ADCY1: variants seen among roughly 807,000 people sequenced by gnomAD.
The protein encoded by ADCY1 is adenylate cyclase type 1.
In ADCY1, 28 loss-of-function variants were observed where a neutral mutation model predicts 105.4. The ratio of observed to expected loss-of-function variants is 0.27; its 90% CI spans 0.20 to 0.36. ADCY1 has a LOEUF of 0.36. ADCY1 is among the 10% of genes least tolerant of loss of function. The pLI is 1.00. For synonymous variants in ADCY1, 655 were observed against 623.8 expected, an observed-to-expected ratio of 1.05 and a Z score of -0.75; for missense variants, 977 against 1,434.2, an observed-to-expected ratio of 0.68 and a Z score of 5.15.
intron 14 of ADCY1, among the ~76,000 whole-genome samples, chr7:45,693,709 C>T (rs1784824890): frequency 6.7e-6 from 1 of 150,358 alleles, no homozygotes; most frequent in Non-Finnish European, 1.5e-5. Flanking sequence ...AGACTTGGAA[C>T]CAACCCAAAT....
chr7:45,664,690 C>T (rs59492915), intron 8 of ADCY1: 33,907 of 257,652 alleles, frequency 0.13, 2,984 homozygotes, highest in African/African-American at 0.22. Flanking sequence ...AGTTTGGTTG[C>T]TTGTTTTTTT....
chr7:45,620,921 C>T (rs937267867), intron 3 of ADCY1, among the ~76,000 whole-genome samples: 4 of 152,174 alleles, frequency 2.6e-5, no homozygotes, highest in African/African-American at 9.7e-5. Context: ...TTCAGGACCC[C>T]CGTGACCAAT....
intron 2 of ADCY1, among the ~76,000 whole-genome samples, chr7:45,607,139 A>G (rs1521471): frequency 0.43 from 64,705 of 152,098 alleles, 14,278 homozygotes; most frequent in East Asian, 0.69. Context: ...TCCAATGGAC[A>G]GAGCTAATGC....
At chr7:45,644,327 T>C (rs1257933009) in intron 4 of ADCY1, among the ~76,000 whole-genome samples, 3 of 152,198 alleles carry the variant, frequency 2.0e-5, no homozygotes, top group Non-Finnish European at 4.4e-5. Context: ...ACGTTACCTC[T>C]GTGCCCTTCT....
At chr7:45,576,003 C>G (rs917931374) in intron 1 of ADCY1, among the ~76,000 whole-genome samples, 1 of 152,068 alleles carries the variant, frequency 6.6e-6, no homozygotes, top group Non-Finnish European at 1.5e-5. Flanking sequence ...TGAGAGCTTC[C>G]CCTTGTGCCC....
intron 3 of ADCY1, among the ~76,000 whole-genome samples, chr7:45,613,082 C>T (rs1793635792): frequency 6.6e-6 from 1 of 151,952 alleles, no homozygotes; most frequent in Non-Finnish European, 1.5e-5. Context: ...CAAAGATGTT[C>T]CAAACAAAGG....
chr7:45,691,183 C>G (rs1422006033), intron 14 of ADCY1, among the ~76,000 whole-genome samples: 1 of 152,126 alleles, frequency 6.6e-6, no homozygotes. Context: ...AGTGACACCC[C>G]CTAGCAATGC....
Position 45,574,646 on chromosome 7 carries a change from G to C in ADCY1, c.103G>C (p.Ala35Pro). The C allele has an allele frequency of 7.8e-7, 1 of 1,286,822 alleles. No individual in the cohort carries two copies. The highest frequency in any genetic ancestry group is 2.3e-5 in the South Asian group (1 of 42,698). 79.7% of individuals were successfully genotyped at this position (1,286,822 alleles called of 1,614,324 possible). A position where few individuals can be genotyped will look rare whatever the true frequency, so the allele number is the denominator to read the frequency against. ...GACAAGCCGCCGGCGCGGGCTCCGG[G>C]CGTGCGACGAGGAGTTCGCTTGCCC... Reference protein sequence around the residue: ...AGTSRRRGLRACDEEFACPEL... With the variant: ...AGTSRRRGLRPCDEEFACPEL... The change falls in exon 1 of 20, where the codon GCG becomes CCG. Residue 35 changes from alanine to proline, a missense_variant. Physicochemically the swap from Ala to Pro is conservative, Grantham distance 27. This residue lies in a region of ADCY1 where 209 missense variants were observed against 222.5 expected (regional missense o/e 0.94). Transcript: ENST00000297323. This position sits in a 1 kb window ranked among gnomAD's most constrained non-coding sequence, Gnocchi z 7.0.
rs963136107 is a variant in ADCY1 at position 45,720,599 on chromosome 7, CAG to C, written c.*6605_*6606del. 11 of 151,908 alleles carry C rather than the reference CAG, an allele frequency of 7.2e-5. No individual in the cohort carries two copies. Among genetic ancestry groups the C allele is most frequent in the South Asian group, 2.1e-4 (1 of 4,822 alleles). 9.4% of individuals were successfully genotyped at this position (151,908 alleles called of 1,614,324 possible). The stretch of plus-strand genomic sequence containing the variant: ...CCTAATGCTGTGTTTTTGTACCTGA[CAG>C]GGGTCACTCATTTTAGGCACAACTC... On this transcript the variant is annotated 3_prime_UTR_variant, in exon 20 of 20. Transcript: ENST00000297323.
At chr7:45,637,843 G>T (rs1032132087) in intron 4 of ADCY1, among the ~76,000 whole-genome samples, 2 of 152,220 alleles carry the variant, frequency 1.3e-5, no homozygotes, top group African/African-American at 2.4e-5. Context: ...TTTTTAAAAT[G>T]TATTTTCACC....
At chr7:45,678,913 T>C in intron 10 of ADCY1, among the ~76,000 whole-genome samples, 1 of 144,564 alleles carries the variant, frequency 6.9e-6, no homozygotes, top group Admixed American at 7.0e-5. Flanking sequence ...ATAATAACAA[T>C]AACTTTTGAG....
Position 45,719,521 on chromosome 7 carries a change from T to C in ADCY1, c.*5526T>C, listed in dbSNP as rs1204070613. On this transcript the variant is annotated 3_prime_UTR_variant, in exon 20 of 20. Coordinates refer to ENST00000297323, the MANE Select transcript of ADCY1 (RefSeq NM_021116.4). ...GAAATAATGCATATATTTGTATTTT[T>C]AAATTTCCCTGAAAATTTAATCTAT... 3.9e-5 allele frequency: 6 copies of C among 152,250 alleles called. No individual in the cohort carries two copies. Among genetic ancestry groups the C allele is most frequent in the Admixed American group, 3.9e-4 (6 of 15,288 alleles). 9.4% of individuals were successfully genotyped at this position (152,250 alleles called of 1,614,324 possible).
chr7:45,588,248 C>T (rs1054082861), intron 1 of ADCY1, among the ~76,000 whole-genome samples: 4 of 151,754 alleles, frequency 2.6e-5, no homozygotes, highest in Non-Finnish European at 4.4e-5. Flanking sequence ...TGTGTGTGTG[C>T]GTGTGTGTGT....
intron 1 of ADCY1, among the ~76,000 whole-genome samples, chr7:45,590,000 G>A (rs1792860564): frequency 6.6e-6 from 1 of 152,148 alleles, no homozygotes; most frequent in Non-Finnish European, 1.5e-5. Flanking sequence ...GGGGAGGCAA[G>A]CTAACGAAAA....
chr7:45,648,656 G>T lies in ADCY1; in HGVS notation c.1021-14G>T, dbSNP rs1794732046. ...AGCGCTGTCTCTTACCATGTGCCTT[G>T]CCCTTCCCTGAAGGAGAACCACTGT... On this transcript the variant is annotated splice_polypyrimidine_tract_variant and intron_variant, in intron 4 of 19. Transcript: ENST00000297323. 3 of 1,613,936 alleles carry T rather than the reference G, an allele frequency of 1.9e-6. No homozygotes were observed. Among genetic ancestry groups the T allele is most frequent in the African/African-American group, 1.3e-5 (1 of 74,920 alleles).
At chr7:45,667,791 C>A (rs1306057675) in intron 8 of ADCY1, among the ~76,000 whole-genome samples, 3 of 152,122 alleles carry the variant, frequency 2.0e-5, no homozygotes, top group Non-Finnish European at 4.4e-5. Context: ...TTGTTTGTAT[C>A]CTCTTTTATT....
rs902538406 is a variant in ADCY1 at position 45,684,866 on chromosome 7, G to A, written c.1984-113G>A. 5 of 878,680 alleles carry A rather than the reference G, an allele frequency of 5.7e-6. No homozygotes were observed. In the African/African-American group the frequency reaches 8.2e-5, roughly 14 times the overall value. 54.4% of individuals were successfully genotyped at this position (878,680 alleles called of 1,614,324 possible). A position where few individuals can be genotyped will look rare whatever the true frequency, so the allele number is the denominator to read the frequency against. ...TGTGAGGAGGGTGAAAAACGGATGT[G>A]GACCTAGCAGCTTGCAGGTCATCTG... On this transcript the variant is annotated intron_variant, in intron 11 of 19. Coordinates refer to ENST00000297323, the MANE Select transcript of ADCY1 (RefSeq NM_021116.4).
At position 45,703,698 on chromosome 7, in the gene ADCY1, G is replaced by A. The variant is rs777981380; in HGVS notation, c.2670G>A (p.Gly890=). The A allele has an allele frequency of 1.9e-6, 3 of 1,609,676 alleles. No homozygotes were observed. Among genetic ancestry groups the A allele is most frequent in the African/African-American group, 1.3e-5 (1 of 74,908 alleles). ...FYIELDGNNM[G]VECLRLLNEI... ...TCGAGCTGGACGGCAACAACATGGG[G>A]GTGGAGTGTCTGCGGCTTCTCAACG... Residue 890 remains glycine (G), a synonymous_variant, in exon 16 of 20, where the codon GGG becomes GGA. Coordinates refer to ENST00000297323, the MANE Select transcript of ADCY1 (RefSeq NM_021116.4). The surrounding 1 kb of genome is among the most constrained non-coding windows in gnomAD (Gnocchi z 5.9).
intron 3 of ADCY1, among the ~76,000 whole-genome samples, chr7:45,620,444 A>G (rs1010072334): frequency 1.3e-5 from 2 of 152,232 alleles, no homozygotes; most frequent in South Asian, 4.1e-4. Flanking sequence ...AAGGGACACC[A>G]TCAAACTTAT....
Sources: allele counts gnomAD v4.1 joint callset (sites outside exome capture counted in the v4.1 genomes callset), GRCh38; gene constraint gnomAD v4.1.1; regional missense constraint gnomAD v4.1.1; non-coding constraint Gnocchi (gnomAD v3.1); transcripts MANE v1.5; gene names NCBI Gene and HGNC (gene_info 2026-07-23, HGNC 2026-07-21).